The following RIMKLB variants were observed in gnomAD, a reference collection of about 807,000 sequenced individuals.
RIMKLB encodes ribosomal modification protein rimK like family member B.
Under a neutral mutation model 32.0 loss-of-function variants are expected in RIMKLB, and 7 were observed. That is an observed-to-expected ratio of 0.22 (90% confidence interval 0.12 to 0.41). The LOEUF (loss-of-function observed/expected upper bound fraction) is 0.41. Ranked by LOEUF, RIMKLB falls within the 10% of genes least tolerant of loss-of-function variation. RIMKLB has a pLI of 1.00. For synonymous variants in RIMKLB, 172 were observed against 185.1 expected (o/e 0.93, Z 0.57); for missense variants, 289 against 498.7 (o/e 0.58, Z 4.00).
chr12:8,782,252 G>A (rs1381208822), intron 7 of RIMKLB, among the ~76,000 whole-genome samples: 1 of 151,898 alleles, frequency 6.6e-6, no homozygotes, highest in Non-Finnish European at 1.5e-5. Flanking sequence ...AGGCATATTG[G>A]CACAATAATT....
upstream of RIMKLB, among the ~76,000 whole-genome samples, chr12:8,680,130 CA>C (rs144299094): frequency 0.034 from 5,079 of 150,970 alleles, 255 homozygotes; most frequent in African/African-American, 0.11. Flanking sequence ...CCCTATATGT[CA>C]AAAAAAGGGA....
chr12:8,738,837 C>T (rs1591818317), intron 2 of RIMKLB, among the ~76,000 whole-genome samples: 1 of 152,198 alleles, frequency 6.6e-6, no homozygotes, highest in African/African-American at 2.4e-5. Flanking sequence ...TGTTACTTCT[C>T]AACTGGATAG....
chr12:8,686,460 C>CT lies in RIMKLB; in HGVS notation n.219+4656dup, dbSNP rs113131504. Among the ~76,000 whole-genome samples the CT allele has an allele frequency of 5.2e-3, 738 of 143,230 alleles. 6 individuals carry two copies. The highest frequency in any genetic ancestry group is 0.028 in the South Asian group (128 of 4,538). 94.0% of individuals were successfully genotyped at this position (143,230 alleles called of 152,430 possible). ...GACCAGCTATTTTCTTTTTTCTTTTCTTTTTTTTTTTTTTATTCAGGGTTT... is the reference window on the plus strand; with the variant it reads ...GACCAGCTATTTTCTTTTTTCTTTTCTTTTTTTTTTTTTTTATTCAGGGTTT... On this transcript the variant is annotated intron_variant and non_coding_transcript_variant, in intron 1 of 1. Coordinates refer to the RIMKLB transcript ENST00000538758.
intron 5 of RIMKLB, among the ~76,000 whole-genome samples, chr12:8,767,838 A>AT (rs780352666): frequency 3.3e-5 from 5 of 152,148 alleles, no homozygotes; most frequent in African/African-American, 4.8e-5. Flanking sequence ...CATGCTAATT[A>AT]TTTTTAACCA....
upstream of RIMKLB, among the ~76,000 whole-genome samples, chr12:8,695,371 A>G (rs1178428219): frequency 6.6e-6 from 1 of 152,204 alleles, no homozygotes; most frequent in Non-Finnish European, 1.5e-5. Context: ...ATCAACCATG[A>G]ATTCTCAAAG....
At chr12:8,731,857 A>G (rs1259519191) in intron 2 of RIMKLB, among the ~76,000 whole-genome samples, 1 of 152,100 alleles carries the variant, frequency 6.6e-6, no homozygotes, top group Non-Finnish European at 1.5e-5. Context: ...TACTTATTTT[A>G]AAGTCATTTC....
At chr12:8,680,450 C>A (rs1489596408), upstream of RIMKLB, among the ~76,000 whole-genome samples, 2 of 152,230 alleles carry the variant, frequency 1.3e-5, no homozygotes, top group African/African-American at 4.8e-5. Flanking sequence ...TGAGCCACCG[C>A]GCCCAGCCAG....
At chr12:8,699,924 A>AG (rs1361764574) in intron 1 of RIMKLB, 2 of 152,198 alleles carry the variant, frequency 1.3e-5, no homozygotes, top group Non-Finnish European at 2.9e-5. Context: ...GCCCCCCCGC[A>AG]GGGGGTAAGG....
chr12:8,717,319 T>C (rs1349565012), intron 2 of RIMKLB, among the ~76,000 whole-genome samples: 2 of 152,220 alleles, frequency 1.3e-5, no homozygotes, highest in African/African-American at 4.8e-5. Context: ...TCAAAGCCGT[T>C]TAAAAAATGT....
At chr12:8,702,777 C>T (rs1343447870) in intron 1 of RIMKLB, among the ~76,000 whole-genome samples, 1 of 152,186 alleles carries the variant, frequency 6.6e-6, no homozygotes, top group Non-Finnish European at 1.5e-5. Context: ...TTAGCCATAT[C>T]TGTAAAGCCT....
chr12:8,704,631 C>G (rs767037529), intron 1 of RIMKLB, among the ~76,000 whole-genome samples: 1 of 152,094 alleles, frequency 6.6e-6, no homozygotes, highest in African/African-American at 2.4e-5. Flanking sequence ...AATGTTAGCA[C>G]GTCTGTTAAG....
intron 2 of RIMKLB, among the ~76,000 whole-genome samples, chr12:8,745,075 G>A (rs1207100641): frequency 6.6e-6 from 1 of 151,794 alleles, no homozygotes; most frequent in East Asian, 1.9e-4. Flanking sequence ...ACTCCCACCT[G>A]TGAGTGAGAA....
chr12:8,720,762 A>T (rs1158064851), intron 2 of RIMKLB, among the ~76,000 whole-genome samples: 1 of 151,832 alleles, frequency 6.6e-6, no homozygotes, highest in African/African-American at 2.4e-5. Flanking sequence ...CTGGTCTGGA[A>T]CTCCTGACCT....
intron 2 of RIMKLB, among the ~76,000 whole-genome samples, chr12:8,746,737 C>T (rs1015579207): frequency 6.6e-6 from 1 of 152,036 alleles, no homozygotes; most frequent in African/African-American, 2.4e-5. Flanking sequence ...AGAATAATTT[C>T]TACTTTTTTC....
intron 1 of RIMKLB, among the ~76,000 whole-genome samples, chr12:8,709,001 T>C (rs1011370743): frequency 6.6e-6 from 1 of 152,230 alleles, no homozygotes; most frequent in African/African-American, 2.4e-5. Context: ...GAGGATGGGA[T>C]TGGTTGACCT....
intron 1 of RIMKLB, among the ~76,000 whole-genome samples, chr12:8,704,333 A>G (rs1943660487): frequency 1.3e-5 from 2 of 152,018 alleles, no homozygotes; most frequent in African/African-American, 4.8e-5. Context: ...CAGTGAGCCA[A>G]GATCACACCA....
At chr12:8,674,080 A>G in the RIMKLB span, among the ~76,000 whole-genome samples, 1 of 152,036 alleles carries the variant, frequency 6.6e-6, no homozygotes, top group South Asian at 2.1e-4. Context: ...GTGGCAAAAA[A>G]CAAACATGCA....
intron 2 of RIMKLB, among the ~76,000 whole-genome samples, chr12:8,722,256 T>A (rs1945523535): frequency 7.5e-6 from 1 of 132,872 alleles, no homozygotes; most frequent in African/African-American, 4.2e-5. Context: ...TCCATGGGCT[T>A]GCAGAGTCCA....
chr12:8,748,935 T>C (rs1948388635), intron 2 of RIMKLB, among the ~76,000 whole-genome samples: 2 of 151,982 alleles, frequency 1.3e-5, no homozygotes, highest in African/African-American at 4.8e-5. Flanking sequence ...AGCCTTTGTC[T>C]CAAAAAAAGA....
Sources: gnomAD v4.1 joint callset for allele counts (sites outside exome capture counted in the v4.1 genomes callset) on GRCh38, gnomAD v4.1.1 for gene constraint, MANE v1.5 for transcripts, NCBI Gene and HGNC (gene_info 2026-07-23, HGNC 2026-07-21) for gene names.